The following SSUH2 variants were observed in gnomAD, a reference collection of about 807,000 sequenced individuals.
The protein encoded by SSUH2 is protein SSUH2 homolog.
SSUH2 carries 47 observed loss-of-function variants against 55.3 expected under a neutral mutation model. The ratio of observed to expected loss-of-function variants is 0.85; its 90% CI spans 0.67 to 1.08. The LOEUF is 1.08. Among genes scored for constraint, SSUH2 ranks in the 50% least tolerant of loss-of-function variants. SSUH2 has a pLI of 0.00. For missense variants in SSUH2, 535 were observed against 490.7 expected, an observed-to-expected ratio of 1.09 and a Z score of -0.85; for synonymous variants, 212 against 191.5, an observed-to-expected ratio of 1.11 and a Z score of -0.89.
intron 11 of SSUH2, among the ~76,000 whole-genome samples, chr3:8,620,901 G>A (rs1188633370): frequency 1.3e-5 from 2 of 152,206 alleles, no homozygotes; most frequent in Non-Finnish European, 2.9e-5. Context: ...TTCAGGATGG[G>A]GACCTCATTC....
chr3:8,662,861 G>A (rs1248240335), intron 6 of SSUH2, among the ~76,000 whole-genome samples: 3 of 152,344 alleles, frequency 2.0e-5, no homozygotes, highest in African/African-American at 7.2e-5. Context: ...CCAGGCTCCA[G>A]TGGTACTGAC....
At chr3:8,652,901 G>A (rs956632614) in intron 7 of SSUH2, among the ~76,000 whole-genome samples, 2 of 152,184 alleles carry the variant, frequency 1.3e-5, no homozygotes, top group Non-Finnish European at 2.9e-5. Context: ...ATATAAGCAT[G>A]TGACTGACTC....
At chr3:8,662,549 G>T (rs1436903089) in intron 6 of SSUH2, among the ~76,000 whole-genome samples, 2 of 152,220 alleles carry the variant, frequency 1.3e-5, no homozygotes, top group African/African-American at 4.8e-5. Context: ...TACAGCGAGT[G>T]CTATGTGTGT....
At chr3:8,666,424 C>A (rs769681895) in intron 5 of SSUH2, among the ~76,000 whole-genome samples, 2 of 152,000 alleles carry the variant, frequency 1.3e-5, no homozygotes, top group African/African-American at 2.4e-5. Flanking sequence ...AGATGCAGAC[C>A]GTCAGGGAAG....
At chr3:8,650,092 C>T (rs1418178291) in intron 7 of SSUH2, among the ~76,000 whole-genome samples, 1 of 152,138 alleles carries the variant, frequency 6.6e-6, no homozygotes, top group African/African-American at 2.4e-5. Flanking sequence ...CAGATCTCTA[C>T]ACAAACTGTT....
intron 6 of SSUH2, among the ~76,000 whole-genome samples, chr3:8,663,079 C>T (rs1470874932): frequency 2.6e-5 from 4 of 152,216 alleles, no homozygotes; most frequent in Non-Finnish European, 4.4e-5. Context: ...ATGAGCTGAG[C>T]CTGATAATTA....
chr3:8,680,853 C>A (rs765835794), intron 1 of SSUH2, among the ~76,000 whole-genome samples: 1 of 151,992 alleles, frequency 6.6e-6, no homozygotes, highest in Non-Finnish European at 1.5e-5. Context: ...TATGGGGAGC[C>A]GTATCTGTCT....
intron 1 of SSUH2, among the ~76,000 whole-genome samples, chr3:8,637,225 G>T (rs1237710260): frequency 6.6e-6 from 1 of 152,130 alleles, no homozygotes; most frequent in Non-Finnish European, 1.5e-5. Flanking sequence ...CTTATGATGG[G>T]TGTATTGGGA....
chr3:8,634,159 A>G (rs1699471899), intron 3 of SSUH2: 1 of 644,704 alleles, frequency 1.6e-6, no homozygotes, highest in Non-Finnish European at 2.6e-6. Flanking sequence ...AAGGAGGCAG[A>G]GACAGGCTAA....
At chr3:8,677,569 C>T (rs2124895207) in intron 2 of SSUH2, among the ~76,000 whole-genome samples, 1 of 151,036 alleles carries the variant, frequency 6.6e-6, no homozygotes. Context: ...CCCGATCTGA[C>T]ACAGCCTTTT....
intron 1 of SSUH2, among the ~76,000 whole-genome samples, chr3:8,638,692 C>T (rs1002571403): frequency 1.3e-5 from 2 of 152,330 alleles, no homozygotes; most frequent in East Asian, 3.9e-4. Flanking sequence ...TAGTCCTGTG[C>T]CTGGCCTTTA....
Position 8,633,652 on chromosome 3 carries a change from C to T in SSUH2, c.339+14G>A, listed in dbSNP as rs758983208. On this transcript the variant is annotated intron_variant, in intron 4 of 11. Coordinates refer to ENST00000544814, the MANE Select transcript of SSUH2 (RefSeq NM_001256748.3). Reference sequence around the variant, plus strand: ...CCCCCCGGCCAAGGCCCCCCACCGGCCCTGGCCTCTCACCCTGCAGAGGGT... The same window carrying T: ...CCCCCCGGCCAAGGCCCCCCACCGGTCCTGGCCTCTCACCCTGCAGAGGGT... 6 of 1,507,600 alleles carry T rather than the reference C, an allele frequency of 4.0e-6. No individual in the cohort carries two copies. Among genetic ancestry groups the T allele is most frequent in the Non-Finnish European group, 5.3e-6 (6 of 1,130,686 alleles). 93.4% of individuals were successfully genotyped at this position (1,507,600 alleles called of 1,614,324 possible). A position where few individuals can be genotyped will look rare whatever the true frequency, so the allele number is the denominator to read the frequency against.
At chr3:8,638,561 G>A (rs1700309558) in intron 1 of SSUH2, among the ~76,000 whole-genome samples, 1 of 152,116 alleles carries the variant, frequency 6.6e-6, no homozygotes, top group Non-Finnish European at 1.5e-5. Context: ...TTGGGCCCAG[G>A]CTCTCTGCAT....
At chr3:8,657,548 C>G (rs1258690404) in intron 7 of SSUH2, among the ~76,000 whole-genome samples, 1 of 152,096 alleles carries the variant, frequency 6.6e-6, no homozygotes, top group Non-Finnish European at 1.5e-5. Context: ...TGAGCCCACT[C>G]TTTTCTGGGA....
intron 1 of SSUH2, among the ~76,000 whole-genome samples, chr3:8,640,777 A>C (rs1044422164): frequency 4.6e-5 from 7 of 152,226 alleles, no homozygotes; most frequent in African/African-American, 1.7e-4. Flanking sequence ...CAACATCAAG[A>C]GAAATGGGTG....
At chr3:8,668,117 C>T (rs1704159493) in intron 5 of SSUH2, among the ~76,000 whole-genome samples, 1 of 152,068 alleles carries the variant, frequency 6.6e-6, no homozygotes, top group Non-Finnish European at 1.5e-5. Flanking sequence ...CTACACCCAG[C>T]TATATGGAGA....
At chr3:8,634,280 G>C (rs1414200699) in intron 3 of SSUH2, 3 of 836,448 alleles carry the variant, frequency 3.6e-6, no homozygotes, top group Non-Finnish European at 5.1e-6. Context: ...CGCCCATGGA[G>C]ACTCACCCTG....
At chr3:8,674,978 G>A (rs1353978990) in intron 3 of SSUH2, among the ~76,000 whole-genome samples, 4 of 152,124 alleles carry the variant, frequency 2.6e-5, no homozygotes, top group East Asian at 3.9e-4. Flanking sequence ...ATCCAGGTCC[G>A]TCTCAAGCAC....
upstream of SSUH2, among the ~76,000 whole-genome samples, chr3:8,646,481 G>C (rs187734289): frequency 4.6e-5 from 7 of 152,276 alleles, no homozygotes; most frequent in East Asian, 5.8e-4. Context: ...TGCAGACAAC[G>C]CTGAGCTGTA....
Sources: allele counts gnomAD v4.1 joint callset (sites outside exome capture counted in the v4.1 genomes callset), GRCh38; gene constraint gnomAD v4.1.1; transcripts MANE v1.5; gene names NCBI Gene and HGNC (gene_info 2026-07-23, HGNC 2026-07-21).